PRKCE: variants seen among roughly 807,000 people sequenced by gnomAD.
PRKCE encodes the protein protein kinase C epsilon, also known as protein kinase C epsilon type.
In PRKCE, 16 loss-of-function variants were observed where a neutral mutation model predicts 85.4. The observed-to-expected ratio is 0.19, with a 90% confidence interval of 0.13 to 0.28. PRKCE has a LOEUF of 0.28. Ranked by LOEUF, PRKCE falls within the 10% of genes least tolerant of loss-of-function variation. The probability of loss-of-function intolerance (pLI) is 1.00; values close to 1 mark genes in which losing one functional copy is unlikely to be tolerated. For synonymous variants in PRKCE, 388 were observed against 371.5 expected, an observed-to-expected ratio of 1.04 and a Z score of -0.51; for missense variants, 573 against 975.2, an observed-to-expected ratio of 0.59 and a Z score of 5.49.
intron 1 of PRKCE, among the ~76,000 whole-genome samples, chr2:45,738,495 G>A (rs751754294): frequency 1.3e-5 from 2 of 152,088 alleles, no homozygotes; most frequent in Non-Finnish European, 2.9e-5. Context: ...CTGTCTTCAA[G>A]GGTCTTTTTC....
chr2:46,078,434 G>A lies in PRKCE; in HGVS notation c.1438-7774G>A, dbSNP rs1332549636. On this transcript the variant is annotated intron_variant, in intron 10 of 14. Coordinates refer to ENST00000306156, the MANE Select transcript of PRKCE (RefSeq NM_005400.3). ...ACATGCGTGTAGTCTCAACTACTCAGAAGGCTGAAGTGGGAGGGTCATTTG... is the reference window on the plus strand; with the variant it reads ...ACATGCGTGTAGTCTCAACTACTCAAAAGGCTGAAGTGGGAGGGTCATTTG... The A allele has an allele frequency of 2.0e-5, 3 of 151,010 alleles. No homozygotes were observed. In the East Asian group the frequency reaches 5.8e-4, roughly 29 times the overall value. The allele number at this position is 151,010 out of a possible 1,614,324, so 9.4% of individuals were successfully genotyped here.
rs2103664803 is a variant in PRKCE, at chr2:45,652,253, C to T, written c.153C>T (p.Ile51=). ...YIALNVDDSR[I]GQTATKQKTN... ...CCCTCAATGTGGACGACTCGCGCAT[C>T]GGCCAAACGGCCACCAAGCAGAAGA... The change falls in exon 1 of 15, where the codon ATC becomes ATT. Residue 51 remains isoleucine, a synonymous_variant. Transcript: ENST00000306156. This position sits in a 1 kb window ranked among gnomAD's most constrained non-coding sequence, Gnocchi z 7.7. 2 of 1,613,268 alleles carry T rather than the reference C, an allele frequency of 1.2e-6. No individual in the cohort carries two copies. Among genetic ancestry groups the T allele is most frequent in the African/African-American group, 1.3e-5 (1 of 74,980 alleles).
At chr2:45,869,841 G>A (rs1693943408) in intron 2 of PRKCE, among the ~76,000 whole-genome samples, 1 of 151,610 alleles carries the variant, frequency 6.6e-6, no homozygotes, top group African/African-American at 2.4e-5. Flanking sequence ...CCGAGTAGCT[G>A]GGACTACAGG....
intron 6 of PRKCE, among the ~76,000 whole-genome samples, chr2:45,986,722 C>T (rs79176545): frequency 8.4e-4 from 128 of 152,236 alleles, no homozygotes; most frequent in African/African-American, 2.9e-3. Context: ...GAACACAATC[C>T]AGCCACTGGA....
chr2:45,766,720 A>G (rs1276928213), intron 1 of PRKCE, among the ~76,000 whole-genome samples: 2 of 152,140 alleles, frequency 1.3e-5, no homozygotes, highest in East Asian at 1.9e-4. Context: ...TTCCACTCAC[A>G]TTCAAATTCC....
intron 4 of PRKCE, 118 bp downstream of exon 4, chr2:45,979,128 G>C (rs1167770463): frequency 3.1e-6 from 3 of 959,936 alleles, no homozygotes; most frequent in Middle Eastern, 2.7e-4. Flanking sequence ...CAGCTTGCAT[G>C]CTTTCTTTGT....
chr2:45,666,598 C>G (rs534144396), intron 1 of PRKCE, among the ~76,000 whole-genome samples: 12 of 152,176 alleles, frequency 7.9e-5, no homozygotes, highest in African/African-American at 2.6e-4. Flanking sequence ...CCATCCAAAT[C>G]CCCTTCTCTT....
chr2:45,836,298 T>G (rs6757514), intron 1 of PRKCE, among the ~76,000 whole-genome samples: 9,190 of 152,274 alleles, frequency 0.06, 445 homozygotes, highest in African/African-American at 0.12. Context: ...TAAGTGCTAT[T>G]ATAAGCCCAT....
At chr2:45,972,274 A>T (rs1015724328) in intron 2 of PRKCE, among the ~76,000 whole-genome samples, 3 of 152,216 alleles carry the variant, frequency 2.0e-5, no homozygotes, top group African/African-American at 7.2e-5. Context: ...TCTTTAGAGA[A>T]AAGTCTACTC....
intron 6 of PRKCE, among the ~76,000 whole-genome samples, chr2:46,000,081 C>T (rs548150648): frequency 6.6e-6 from 1 of 152,184 alleles, no homozygotes; most frequent in East Asian, 1.9e-4. Context: ...ATTCCAGCAT[C>T]CCTGCTATAT....
intron 1 of PRKCE, among the ~76,000 whole-genome samples, chr2:45,717,971 C>T (rs894207268): frequency 2.0e-5 from 3 of 152,184 alleles, no homozygotes; most frequent in Non-Finnish European, 4.4e-5. Context: ...GATGGGCCCC[C>T]TCAAGAAGCT....
chr2:45,871,543 C>T (rs1260361389), intron 2 of PRKCE, among the ~76,000 whole-genome samples: 2 of 152,220 alleles, frequency 1.3e-5, no homozygotes, highest in Non-Finnish European at 2.9e-5. Flanking sequence ...GAAGAGCTGT[C>T]TCTTTTCTTT....
chr2:45,870,268 T>G (rs1432793201), intron 2 of PRKCE, among the ~76,000 whole-genome samples: 3 of 151,960 alleles, frequency 2.0e-5, no homozygotes, highest in Admixed American at 6.6e-5. Context: ...AGACACAGAG[T>G]GCAATTCATG....
At chr2:45,829,953 G>C (rs907296200) in intron 1 of PRKCE, among the ~76,000 whole-genome samples, 2 of 151,322 alleles carry the variant, frequency 1.3e-5, no homozygotes, top group South Asian at 2.1e-4. Context: ...GGCGCCTGTA[G>C]TCCCAGCTAC....
intron 1 of PRKCE, among the ~76,000 whole-genome samples, chr2:45,653,059 T>C (rs1224422152): frequency 2.0e-5 from 3 of 152,236 alleles, no homozygotes; most frequent in African/African-American, 7.2e-5. Context: ...TTTGTCCAAT[T>C]CATTGCCCAT....
In PRKCE at chr2:46,007,619, G is replaced by A; in HGVS notation, c.1221G>A (p.Glu407=). The A allele has an allele frequency of 6.3e-7, 1 of 1,599,804 alleles. No individual in the cohort carries two copies. The highest frequency in any genetic ancestry group is 8.5e-7 in the Non-Finnish European group (1 of 1,179,972). ...AGGCCAAGCGCCTGGGCCTGGATGA[G>A]TTCAACTTCATCAAGGTGTTGGGCA... ...QGQAKRLGLD[E]FNFIKVLGKG... is the part of the protein sequence containing the mutation. The change falls in exon 9 of 15, where the codon GAG becomes GAA. Residue 407 remains glutamate, a synonymous_variant. Coordinates refer to ENST00000306156, the MANE Select transcript of PRKCE (RefSeq NM_005400.3).
At chr2:46,010,254 A>T (rs1294489804) in intron 9 of PRKCE, 90 bp from the exon 10 acceptor site, 1 of 1,340,616 alleles carries the variant, frequency 7.5e-7, no homozygotes, top group East Asian at 2.4e-5. Context: ...AAAAAACAGA[A>T]TTCGTTTTTG....
At chr2:45,968,767 G>A (rs1165009435) in intron 2 of PRKCE, among the ~76,000 whole-genome samples, 1 of 152,124 alleles carries the variant, frequency 6.6e-6, no homozygotes, top group Non-Finnish European at 1.5e-5. Flanking sequence ...TTTTTGTGTG[G>A]GAGGAGACGT....
At chr2:45,830,560 A>G (rs538727137) in intron 1 of PRKCE, among the ~76,000 whole-genome samples, 5 of 152,380 alleles carry the variant, frequency 3.3e-5, no homozygotes, top group African/African-American at 1.2e-4. Context: ...TTTCAGAAAG[A>G]AAATGAAGAA....
Sources: allele counts gnomAD v4.1 joint callset (sites outside exome capture counted in the v4.1 genomes callset), GRCh38; gene constraint gnomAD v4.1.1; non-coding constraint Gnocchi (gnomAD v3.1); transcripts MANE v1.5; gene names NCBI Gene and HGNC (gene_info 2026-07-23, HGNC 2026-07-21).